TEX22: variants seen among roughly 807,000 people sequenced by gnomAD.
TEX22 encodes testis-expressed protein 22.
TEX22 carries 16 observed loss-of-function variants against 11.3 expected under a neutral mutation model. The observed-to-expected ratio is 1.42, with a 90% CI of 0.96 to 2.15. The LOEUF is 2.15. TEX22 is among the 30% of genes most tolerant of loss of function. TEX22 has a pLI of 0.00. For synonymous variants in TEX22, 97 were observed against 92.3 expected, an observed-to-expected ratio of 1.05 and a Z score of -0.29; for missense variants, 220 against 208.6, an observed-to-expected ratio of 1.05 and a Z score of -0.34.
At chr14:105,405,026 G>C (rs2081651353) in intron 2 of TEX22, among the ~76,000 whole-genome samples, 1 of 152,126 alleles carries the variant, frequency 6.6e-6, no homozygotes, top group Non-Finnish European at 1.5e-5. Flanking sequence ...AGGGGGGTGG[G>C]CCATGGTGGC....
At chr14:105,402,755 CAAAAAAAA>C (rs1195065703) in intron 2 of TEX22, among the ~76,000 whole-genome samples, 2 of 68,402 alleles carry the variant, frequency 2.9e-5, no homozygotes, top group African/African-American at 8.3e-5. Flanking sequence ...GACTCCGTCT[CAAAAAAAA>C]AAAAAAAAAA....
chr14:105,401,100 C>T (rs782268758), intron 2 of TEX22, among the ~76,000 whole-genome samples: 60 of 152,306 alleles, frequency 3.9e-4, no homozygotes, highest in Non-Finnish European at 7.2e-4. Context: ...ATTTCATAGC[C>T]GTAAGGATGG....
chr14:105,402,513 G>A (rs1290626507), intron 2 of TEX22, among the ~76,000 whole-genome samples: 1 of 152,036 alleles, frequency 6.6e-6, no homozygotes, highest in Non-Finnish European at 1.5e-5. Flanking sequence ...CCAGCACTTT[G>A]GGAGGCTGGG....
rs2081702464 is a variant in TEX22 at position 105,412,719 on chromosome 14, GC to G, written c.*889del. The G allele has an allele frequency of 6.6e-6, 1 of 152,200 alleles. No individual in the cohort carries two copies. Among genetic ancestry groups the G allele is most frequent in the African/African-American group, 2.4e-5 (1 of 41,348 alleles). 9.4% of individuals were successfully genotyped at this position (152,200 alleles called of 1,614,324 possible). ...CGGGGTGGGTGGGGGTGGGGAAAGG[GC>G]CCTGAACTCTGTGACTGACTGTTAG... On this transcript the variant is annotated 3_prime_UTR_variant, in exon 4 of 4. Transcript: ENST00000451127. The surrounding 1 kb of genome is among the most constrained non-coding windows in gnomAD (Gnocchi z 5.8).
intron 2 of TEX22, among the ~76,000 whole-genome samples, chr14:105,402,693 T>C (rs764166563): frequency 4.6e-5 from 7 of 151,188 alleles, no homozygotes; most frequent in African/African-American, 7.3e-5. Flanking sequence ...GAGGCGGAGC[T>C]TGCAGTGAGA....
At chr14:105,410,101 G>A (rs2141362361) in intron 2 of TEX22, among the ~76,000 whole-genome samples, 1 of 152,172 alleles carries the variant, frequency 6.6e-6, no homozygotes, top group South Asian at 2.1e-4. Flanking sequence ...GTTTGAGACG[G>A]AGTTTTGCTC....
Position 105,398,586 on chromosome 14 carries a change from A to C in TEX22, c.-89A>C, listed in dbSNP as rs2081598347. The C allele has an allele frequency of 6.6e-6, 1 of 152,160 alleles. No individual in the cohort carries two copies. Among genetic ancestry groups the C allele is most frequent in the South Asian group, 2.1e-4 (1 of 4,834 alleles). The allele number at this position is 152,160 out of a possible 1,614,324, so 9.4% of individuals were successfully genotyped here. ...AGGCGCCGGCCCCTTGGGCCCCCTC[A>C]AGCCGCGGTGTACTCCAGCGGCCCC... is the stretch of plus-strand genomic sequence containing the variant. On this transcript the variant is annotated 5_prime_UTR_variant, in exon 1 of 4. Transcript: ENST00000451127.
At chr14:105,402,883 A>G (rs1234276256) in intron 2 of TEX22, among the ~76,000 whole-genome samples, 3 of 151,930 alleles carry the variant, frequency 2.0e-5, no homozygotes, top group Non-Finnish European at 4.4e-5. Flanking sequence ...CAGATTTCAT[A>G]TGTGTGTTTT....
chr14:105,400,658 G>A (rs782127161), intron 2 of TEX22, among the ~76,000 whole-genome samples: 2 of 152,178 alleles, frequency 1.3e-5, no homozygotes, highest in African/African-American at 4.8e-5. Flanking sequence ...TCCAAGAGAT[G>A]GACTGGTGGC....
chr14:105,400,805 C>T (rs2081622641), intron 2 of TEX22, among the ~76,000 whole-genome samples: 1 of 152,020 alleles, frequency 6.6e-6, no homozygotes, highest in Non-Finnish European at 1.5e-5. Flanking sequence ...TGCTGACGGG[C>T]AGGTTTTTAG....
Position 105,399,479 on chromosome 14 carries a change from A to G in TEX22, c.139A>G (p.Thr47Ala), listed in dbSNP as rs1555418141. 1.3e-6 allele frequency: 2 copies of G among 1,534,436 alleles called. No individual in the cohort carries two copies. Among genetic ancestry groups the G allele is most frequent in the Admixed American group, 2.0e-5 (1 of 50,792 alleles). ...IQSSVQQGLQ[T>A]QDWVCEPPER... is the part of the protein sequence containing the mutation. The stretch of plus-strand genomic sequence containing the variant: ...GAGCAGCGTTCAGCAGGGACTGCAG[A>G]CTCAGGACTGGGTAAGCGGAAGGAA... Residue 47 changes from threonine to alanine, a missense_variant, in exon 2 of 4, where the codon ACT becomes GCT. Coordinates refer to ENST00000451127, the MANE Select transcript of TEX22 (RefSeq NM_001195082.2).
At chr14:105,402,506 G>C (rs756133751) in intron 2 of TEX22, among the ~76,000 whole-genome samples, 1 of 152,048 alleles carries the variant, frequency 6.6e-6, no homozygotes, top group Admixed American at 6.5e-5. Context: ...TGTAATCCCA[G>C]CACTTTGGGA....
intron 2 of TEX22, among the ~76,000 whole-genome samples, chr14:105,410,426 C>T (rs942555288): frequency 1.3e-5 from 2 of 152,184 alleles, no homozygotes; most frequent in Admixed American, 1.3e-4. Flanking sequence ...CTGGATCTGC[C>T]ACATTTTCTT....
In TEX22 at chr14:105,411,721, C is replaced by T; in HGVS notation, c.341C>T (p.Pro114Leu). ...SEDVDKDVLL[P>L]HPLRSTESTN... The stretch of plus-strand genomic sequence containing the variant: ...GACGTGGACAAGGACGTGCTCCTTC[C>T]CCACCCGCTGAGGTCCACCGAGTCC... The change falls in exon 4 of 4, where the codon CCC (proline) becomes CTC (leucine). Residue 114 changes from proline (P) to leucine (L), a missense_variant. Physicochemically the swap from Pro to Leu is moderately conservative, Grantham distance 98. Coordinates refer to ENST00000451127, the MANE Select transcript of TEX22 (RefSeq NM_001195082.2). 6.6e-7 allele frequency: 1 copy of T among 1,526,218 alleles called. No homozygotes were observed. Among genetic ancestry groups the T allele is most frequent in the East Asian group, 2.6e-5 (1 of 38,998 alleles). 94.5% of individuals were successfully genotyped at this position (1,526,218 alleles called of 1,614,324 possible). A position where few individuals can be genotyped will look rare whatever the true frequency, so the allele number is the denominator to read the frequency against.
chr14:105,400,470 G>A (rs998147349), intron 2 of TEX22, among the ~76,000 whole-genome samples: 13 of 152,182 alleles, frequency 8.5e-5, no homozygotes, highest in South Asian at 2.1e-4. Context: ...AGTGAGGGCC[G>A]CTCAGGAGGA....
At chr14:105,402,483 G>GCACA (rs2081632981) in intron 2 of TEX22, among the ~76,000 whole-genome samples, 1 of 152,012 alleles carries the variant, frequency 6.6e-6, no homozygotes, top group Non-Finnish European at 1.5e-5. Flanking sequence ...GGCCGGGTGT[G>GCACA]GTGGCTCACG....
chr14:105,405,092 C>T (rs587667104), intron 2 of TEX22, among the ~76,000 whole-genome samples: 134 of 152,196 alleles, frequency 8.8e-4, no homozygotes, highest in African/African-American at 3.2e-3. Context: ...TGCTTGAGCT[C>T]AGCCTGGCAA....
Position 105,411,749 on chromosome 14 carries a change from C to T in TEX22, c.369C>T (p.Thr123=). The T allele has an allele frequency of 6.6e-7, 1 of 1,518,164 alleles. No individual in the cohort carries two copies. Among genetic ancestry groups the T allele is most frequent in the Non-Finnish European group, 8.8e-7 (1 of 1,137,706 alleles). 94.0% of individuals were successfully genotyped at this position (1,518,164 alleles called of 1,614,324 possible). A position where few individuals can be genotyped will look rare whatever the true frequency, so the allele number is the denominator to read the frequency against. ...ACCCGCTGAGGTCCACCGAGTCCAC[C>T]AACGCCTTCCAGGCCTTCCTGGCGC... ...LPHPLRSTES[T]NAFQAFLARS... is the part of the protein sequence containing the mutation. The change falls in exon 4 of 4, where the codon ACC becomes ACT. Residue 123 remains threonine (T), a synonymous_variant. Transcript: ENST00000451127.
chr14:105,407,363 C>T (rs1490247488), intron 2 of TEX22, among the ~76,000 whole-genome samples: 3 of 152,042 alleles, frequency 2.0e-5, no homozygotes, highest in Middle Eastern at 3.4e-3. Flanking sequence ...CCACCATGCC[C>T]GGCCAGTTTC....
Sources: gnomAD v4.1 joint callset for allele counts (sites outside exome capture counted in the v4.1 genomes callset) on GRCh38, gnomAD v4.1.1 for gene constraint, Gnocchi (gnomAD v3.1) non-coding constraint, MANE v1.5 for transcripts, NCBI Gene and HGNC (gene_info 2026-07-23, HGNC 2026-07-21) for gene names.